The following BDP1 variants were observed in gnomAD, a reference collection of about 807,000 sequenced individuals.
BDP1 encodes the protein transcription factor TFIIIB component B'' homolog.
Under a neutral mutation model 266.6 loss-of-function variants are expected in BDP1, and 169 were observed. The ratio of observed to expected loss-of-function variants is 0.63; its 90% CI spans 0.56 to 0.72. BDP1 has a LOEUF of 0.72. Among genes scored for constraint, BDP1 ranks in the 30% least tolerant of loss-of-function variants. BDP1 has a pLI of 0.00. For synonymous variants in BDP1, 1,090 were observed against 1,022.4 expected, an observed-to-expected ratio of 1.07 and a Z score of -1.26; for missense variants, 3,015 against 3,053.8, an observed-to-expected ratio of 0.99 and a Z score of 0.30.
downstream of BDP1, among the ~76,000 whole-genome samples, chr5:71,571,985 A>G (rs1744278443): frequency 6.6e-6 from 1 of 152,198 alleles, no homozygotes; most frequent in Non-Finnish European, 1.5e-5. Context: ...GTTTATCATG[A>G]ATACAGAATG....
At chr5:71,485,703 A>G (rs1172365787) in intron 8 of BDP1, among the ~76,000 whole-genome samples, 3 of 152,126 alleles carry the variant, frequency 2.0e-5, no homozygotes, top group Non-Finnish European at 4.4e-5. Flanking sequence ...TTTCAGATAT[A>G]ATGCTGTTGA....
intron 38 of BDP1, among the ~76,000 whole-genome samples, chr5:71,564,430 A>T (rs887636842): frequency 6.6e-6 from 1 of 151,992 alleles, no homozygotes; most frequent in Admixed American, 6.6e-5. Flanking sequence ...GGATGAAGTA[A>T]TGGATTATGG....
At chr5:71,550,522 G>C (rs1204282775) in intron 34 of BDP1, among the ~76,000 whole-genome samples, 1 of 151,278 alleles carries the variant, frequency 6.6e-6, no homozygotes. Context: ...GGCTTGTCTT[G>C]AACTCCTGGC....
In BDP1 at chr5:71,525,472, C is replaced by G. The variant is rs1193114272; in HGVS notation, c.5772+1149C>G. On this transcript the variant is annotated intron_variant, in intron 25 of 38. Transcript: ENST00000358731. ...CCCCCCACCTCCCTCCCGGACGGGGCGGCTGGCCGGGCGGGGGGCTGACAC... is the reference window on the plus strand; with the variant it reads ...CCCCCCACCTCCCTCCCGGACGGGGGGGCTGGCCGGGCGGGGGGCTGACAC... Among the ~76,000 whole-genome samples the G allele has an allele frequency of 3.1e-4, 35 of 114,378 alleles. 1 individual carries two copies. Among genetic ancestry groups the G allele is most frequent in the South Asian group, 1.3e-3 (4 of 3,092 alleles). The allele number at this position is 114,378 out of a possible 152,430, so 75.0% of individuals were successfully genotyped here.
intron 16 of BDP1, among the ~76,000 whole-genome samples, chr5:71,505,752 A>G (rs1764543293): frequency 6.6e-6 from 1 of 152,112 alleles, no homozygotes; most frequent in South Asian, 2.1e-4. Flanking sequence ...ATCTAGCTAC[A>G]TGGAAGGCTG....
At chr5:71,505,585 G>A (rs1266667833) in intron 16 of BDP1, among the ~76,000 whole-genome samples, 2 of 152,296 alleles carry the variant, frequency 1.3e-5, no homozygotes, top group African/African-American at 4.8e-5. Context: ...TTTAATGTGC[G>A]CAAAAGTGCA....
At chr5:71,513,118 G>GTAC (rs1765024916) in intron 18 of BDP1, 67 bp from the exon 19 acceptor site, 1 of 844,714 alleles carries the variant, frequency 1.2e-6, no homozygotes, top group Admixed American at 2.3e-5. Flanking sequence ...CTCTAAGGTT[G>GTAC]TACTGAGACT....
chr5:71,556,763 AT>A lies in BDP1; in HGVS notation c.7201-121del. The A allele has an allele frequency of 1.2e-5, 6 of 507,328 alleles. 1 individual carries two copies. Among genetic ancestry groups the A allele is most frequent in the Admixed American group, 4.3e-5 (1 of 23,394 alleles). The allele number at this position is 507,328 out of a possible 1,614,324, so 31.4% of individuals were successfully genotyped here. A position where few individuals can be genotyped will look rare whatever the true frequency, so the allele number is the denominator to read the frequency against. On this transcript the variant is annotated intron_variant, in intron 35 of 38. Coordinates refer to ENST00000358731, the MANE Select transcript of BDP1 (RefSeq NM_018429.3). The stretch of plus-strand genomic sequence containing the variant: ...ATTTTTGCCATAAATGTTTAGTAGA[AT>A]TCCTCTAAGAGCTTTTTGGGAGATA...
chr5:71,509,520 C>A lies in BDP1; in HGVS notation c.2428C>A (p.Arg810=), dbSNP rs888238943. ...KLNQVPILRT[R]FQKPKPNIGR... ...TAACCAAGTCCCAATTCTAAGGACT[C>A]GATTTCAGAAACCAAAGCCAAATAT... Residue 810 remains arginine, a synonymous_variant, in exon 17 of 39, where the codon CGA becomes AGA. Transcript: ENST00000358731. 6.2e-7 allele frequency: 1 copy of A among 1,607,208 alleles called. No homozygotes were observed. The highest frequency in any genetic ancestry group is 2.2e-5 in the East Asian group (1 of 44,854).
rs58201517 is a variant in BDP1 at position 71,500,316 on chromosome 5, CTTTTTTTT to C, written c.1957-1227_1957-1220del. Among the ~76,000 whole-genome samples, 253 of 73,076 alleles carry C rather than the reference CTTTTTTTT, an allele frequency of 3.5e-3. 1 individual carries two copies. The highest frequency in any genetic ancestry group is 9.9e-3 in the South Asian group (17 of 1,718). 47.9% of individuals were successfully genotyped at this position (73,076 alleles called of 152,430 possible). Reference sequence around the variant, plus strand: ...TCTTTGAAGTGTTGTAATCTTGTTTCTTTTTTTTTTTTTTTTTTTTTTTTTTGAGGTTT... The same window carrying C: ...TCTTTGAAGTGTTGTAATCTTGTTTCTTTTTTTTTTTTTTTTTTGAGGTTT... On this transcript the variant is annotated intron_variant, in intron 13 of 38. Coordinates refer to ENST00000358731, the MANE Select transcript of BDP1 (RefSeq NM_018429.3).
chr5:71,466,296 C>G, intron 5 of BDP1, 75 bp downstream of exon 5: 1 of 1,539,066 alleles, frequency 6.5e-7, no homozygotes, highest in Non-Finnish European at 8.9e-7. Context: ...AAGAGGTCCT[C>G]TTTCTGTATT....
At chr5:71,509,120 A>G (rs1229568586) in intron 16 of BDP1, among the ~76,000 whole-genome samples, 1 of 152,206 alleles carries the variant, frequency 6.6e-6, no homozygotes, top group Non-Finnish European at 1.5e-5. Context: ...AATAGCAGAC[A>G]TACATCAATC....
At chr5:71,549,360 A>T in intron 33 of BDP1, 60 bp from the exon 34 acceptor site, 1 of 1,285,782 alleles carries the variant, frequency 7.8e-7, no homozygotes, top group Non-Finnish European at 1.1e-6. Context: ...GAAATAAATT[A>T]ATGATACTCT....
intron 3 of BDP1, among the ~76,000 whole-genome samples, chr5:71,462,401 T>C (rs1475889134): frequency 1.3e-5 from 2 of 152,202 alleles, no homozygotes; most frequent in African/African-American, 4.8e-5. Context: ...AAAGTAGCAG[T>C]ATTTCAAGTA....
chr5:71,479,042 T>C (rs1762769381), intron 7 of BDP1, among the ~76,000 whole-genome samples: 1 of 152,088 alleles, frequency 6.6e-6, no homozygotes, highest in Non-Finnish European at 1.5e-5. Flanking sequence ...TTTATTTTAT[T>C]TTATTTTATT....
chr5:71,496,380 A>T (rs374412347), intron 12 of BDP1, among the ~76,000 whole-genome samples: 1 of 152,152 alleles, frequency 6.6e-6, no homozygotes, highest in Non-Finnish European at 1.5e-5. Context: ...ATCGAAAAGT[A>T]TAAAAAGGTA....
At chr5:71,533,888 C>T (rs1324954345) in intron 26 of BDP1, among the ~76,000 whole-genome samples, 1 of 152,072 alleles carries the variant, frequency 6.6e-6, no homozygotes, top group Non-Finnish European at 1.5e-5. Flanking sequence ...ATTTGTATAT[C>T]ATCTTTGAGA....
intron 20 of BDP1, among the ~76,000 whole-genome samples, chr5:71,515,368 A>G (rs1193870743): frequency 1.3e-5 from 2 of 152,206 alleles, no homozygotes; most frequent in African/African-American, 4.8e-5. Context: ...TTTAAAAACT[A>G]CAAGTTGAGC....
At chr5:71,512,502 G>T in intron 18 of BDP1, 74 bp downstream of exon 18, 1 of 1,020,542 alleles carries the variant, frequency 9.8e-7, no homozygotes, top group Non-Finnish European at 1.4e-6. Context: ...GAGGTTTCAA[G>T]ATATAACATA....
Sources: gnomAD v4.1 joint callset for allele counts (sites outside exome capture counted in the v4.1 genomes callset) on GRCh38, gnomAD v4.1.1 for gene constraint, MANE v1.5 for transcripts, NCBI Gene and HGNC (gene_info 2026-07-23, HGNC 2026-07-21) for gene names.